The following KIF18A variants were observed in gnomAD, a reference collection of about 807,000 sequenced individuals.
KIF18A encodes the protein kinesin family member 18A, also known as kinesin-like protein KIF18A.
KIF18A carries 67 observed loss-of-function variants against 103.3 expected under a neutral mutation model. The observed-to-expected ratio is 0.65, with a 90% confidence interval of 0.53 to 0.79. KIF18A has a LOEUF of 0.79. Among genes scored for constraint, KIF18A ranks in the 30% least tolerant of loss-of-function variants. The pLI is 0.00. For synonymous variants in KIF18A, 367 were observed against 355.5 expected, an observed-to-expected ratio of 1.03 and a Z score of -0.36; for missense variants, 1,032 against 1,062.5, an observed-to-expected ratio of 0.97 and a Z score of 0.40.
chr11:28,098,242 C>T (rs765423915), intron 1 of KIF18A, among the ~76,000 whole-genome samples: 19 of 152,120 alleles, frequency 1.2e-4, no homozygotes, highest in South Asian at 1.0e-3. Flanking sequence ...CACACAACTA[C>T]GATAAAAATC....
intron 14 of KIF18A, among the ~76,000 whole-genome samples, chr11:28,035,706 C>T (rs2133495458): frequency 6.6e-6 from 1 of 151,568 alleles, no homozygotes; most frequent in South Asian, 2.1e-4. Context: ...TTTCTGCATT[C>T]CCAGTGGCAT....
chr11:28,058,658 T>A (rs1850815040), intron 13 of KIF18A, among the ~76,000 whole-genome samples: 2 of 70,026 alleles, frequency 2.9e-5, no homozygotes, highest in African/African-American at 5.9e-5. Flanking sequence ...TGAGACCCTG[T>A]CACCAAAAAA....
chr11:28,093,829 C>T (rs142623294), intron 3 of KIF18A, among the ~76,000 whole-genome samples: 2 of 152,268 alleles, frequency 1.3e-5, no homozygotes, highest in East Asian at 3.9e-4. Flanking sequence ...CACCAATCAT[C>T]AGTGGATACT....
chr11:28,077,447 T>C lies in KIF18A; in HGVS notation c.1263-278A>G, dbSNP rs367665542. Among the ~76,000 whole-genome samples the C allele has an allele frequency of 7.2e-5, 11 of 152,330 alleles. No homozygotes were observed. In the East Asian group the frequency reaches 1.3e-3, roughly 19 times the overall value. On this transcript the variant is annotated intron_variant, in intron 9 of 16. Transcript: ENST00000263181. The stretch of plus-strand genomic sequence containing the variant: ...CATAAGGTGTCTGGTATTGCTAACA[T>C]ACTGCATTTTGTCTATGCTTACATC...
At chr11:28,046,284 T>C (rs1850632361) in intron 13 of KIF18A, among the ~76,000 whole-genome samples, 1 of 149,182 alleles carries the variant, frequency 6.7e-6, no homozygotes, top group South Asian at 2.1e-4. Flanking sequence ...TAGCAAAGAC[T>C]TGGAACCAAC....
rs1269385801 is a variant in KIF18A, at chr11:28,082,900, T to G, written c.1218A>C (p.Gln406His). ...EQKAFTNEND[Q>H]AKLMISNPQE... is the part of the protein sequence containing the mutation. ...GAGGGTTTGAAATCATTAACTTTGC[T>G]TGGTCATTTTCATTAGTGAAGGCTT... Residue 406 changes from glutamine to histidine, a missense_variant, in exon 9 of 17, where the codon CAA (glutamine) becomes CAC (histidine). By Grantham distance (24) the Gln-to-His change is conservative. Coordinates refer to ENST00000263181, the MANE Select transcript of KIF18A (RefSeq NM_031217.4). The G allele has an allele frequency of 6.2e-7, 1 of 1,606,240 alleles. No individual in the cohort carries two copies. The highest frequency in any genetic ancestry group is 1.1e-5 in the South Asian group (1 of 89,526).
intron 15 of KIF18A, among the ~76,000 whole-genome samples, chr11:28,031,518 C>T (rs1850407912): frequency 6.6e-6 from 1 of 151,998 alleles, no homozygotes; most frequent in Non-Finnish European, 1.5e-5. Flanking sequence ...ACATCACACA[C>T]CGGGGCCTGT....
At chr11:28,059,709 G>T (rs1008040293) in intron 12 of KIF18A, among the ~76,000 whole-genome samples, 2 of 152,088 alleles carry the variant, frequency 1.3e-5, no homozygotes, top group Non-Finnish European at 2.9e-5. Context: ...TGGGATTACA[G>T]GGATGAGCCA....
intron 2 of KIF18A, among the ~76,000 whole-genome samples, chr11:28,096,785 T>C (rs1001966941): frequency 2.0e-5 from 3 of 151,908 alleles, no homozygotes; most frequent in South Asian, 2.1e-4. Flanking sequence ...TAAATACTAA[T>C]AATTACAAAA....
intron 2 of KIF18A, 78 bp downstream of exon 2, chr11:28,097,545 G>C: frequency 1.1e-6 from 1 of 912,108 alleles, no homozygotes. Flanking sequence ...ATTATATTTA[G>C]AAGGGTCAAG....
chr11:28,059,246 C>G, intron 12 of KIF18A, 85 bp from the exon 13 acceptor site: 1 of 886,712 alleles, frequency 1.1e-6, no homozygotes, highest in Non-Finnish European at 1.8e-6. Flanking sequence ...ACACCCAAAG[C>G]ATTAGCATAT....
intron 11 of KIF18A, among the ~76,000 whole-genome samples, chr11:28,066,932 C>A (rs916122320): frequency 2.0e-5 from 3 of 151,400 alleles, no homozygotes; most frequent in African/African-American, 7.3e-5. Flanking sequence ...TAGTATTAAA[C>A]TATTATTTAT....
chr11:28,052,611 C>T (rs1331129492), intron 13 of KIF18A, among the ~76,000 whole-genome samples: 2 of 152,018 alleles, frequency 1.3e-5, no homozygotes, highest in African/African-American at 4.8e-5. Context: ...CTCTCTCCTC[C>T]CTGGCCACAC....
intron 10 of KIF18A, among the ~76,000 whole-genome samples, chr11:28,069,813 CTT>C (rs1418997771): frequency 3.3e-5 from 5 of 151,860 alleles, no homozygotes; most frequent in African/African-American, 9.7e-5. Flanking sequence ...ATATATTGCT[CTT>C]GTCTTTGATG....
chr11:28,036,541 T>G lies in KIF18A; in HGVS notation c.2072A>C (p.Gln691Pro), dbSNP rs764366000. ...TLKSPPSQSV[Q>P]LNDSLSKELQ... ...TTCTTTGCTAAGAGAATCATTGAGC[T>G]GCACACTTTGAGATGGTGGAGACTT... Residue 691 changes from glutamine (Q) to proline (P), a missense_variant, in exon 14 of 17, where the codon CAG becomes CCG. By Grantham distance (76) the Gln-to-Pro change is moderately conservative. Coordinates refer to ENST00000263181, the MANE Select transcript of KIF18A (RefSeq NM_031217.4). 3.7e-6 allele frequency: 6 copies of G among 1,611,120 alleles called. No individual in the cohort carries two copies. The Admixed American group carries it at 8.4e-5, about 23-fold the overall frequency.
intron 13 of KIF18A, among the ~76,000 whole-genome samples, chr11:28,042,770 A>G (rs964133622): frequency 5.3e-5 from 8 of 151,900 alleles, no homozygotes; most frequent in Non-Finnish European, 1.5e-5. Context: ...AGAGGCATCT[A>G]GCGCCCACTC....
intron 10 of KIF18A, among the ~76,000 whole-genome samples, chr11:28,075,817 T>C (rs1251286502): frequency 6.6e-6 from 1 of 152,222 alleles, no homozygotes; most frequent in Non-Finnish European, 1.5e-5. Context: ...GTGGTATCAT[T>C]GGTTTGATAA....
At chr11:28,071,673 A>C (rs1031526216) in intron 10 of KIF18A, among the ~76,000 whole-genome samples, 1 of 152,080 alleles carries the variant, frequency 6.6e-6, no homozygotes, top group Non-Finnish European at 1.5e-5. Context: ...TTTTAAAAGC[A>C]GAAAGGGGTC....
At chr11:28,034,965 A>C (rs1005854402) in intron 15 of KIF18A, among the ~76,000 whole-genome samples, 1 of 151,646 alleles carries the variant, frequency 6.6e-6, no homozygotes, top group African/African-American at 2.4e-5. Context: ...GGCAGAAATA[A>C]AAGTCTCTTC....
Sources: gnomAD v4.1 joint callset for allele counts (sites outside exome capture counted in the v4.1 genomes callset) on GRCh38, gnomAD v4.1.1 for gene constraint, MANE v1.5 for transcripts, NCBI Gene and HGNC (gene_info 2026-07-23, HGNC 2026-07-21) for gene names.